HORMAD2: variants seen among roughly 807,000 people sequenced by gnomAD.
HORMAD2 encodes the protein HORMA domain containing 2, also known as HORMA domain-containing protein 2.
A neutral mutation model predicts 38.8 loss-of-function variants in HORMAD2; 45 were observed. The observed-to-expected ratio is 1.16, with a 90% CI of 0.91 to 1.49. The LOEUF is 1.49. HORMAD2 is among the 40% of genes most tolerant of loss of function. The probability of loss-of-function intolerance (pLI) is 0.00; values close to 1 mark genes in which losing one functional copy is unlikely to be tolerated. For missense variants in HORMAD2, 338 were observed against 367.0 expected, an observed-to-expected ratio of 0.92 and a Z score of 0.65; for synonymous variants, 126 against 122.8, an observed-to-expected ratio of 1.03 and a Z score of -0.17.
At chr22:30,138,243 A>AT (rs34611740) in intron 10 of HORMAD2, among the ~76,000 whole-genome samples, 39,514 of 142,504 alleles carry the variant, frequency 0.28, 5,519 homozygotes, top group Middle Eastern at 0.38. Context: ...TCTTTTGCCC[A>AT]TTTTTTTTTT....
chr22:30,139,351 T>C (rs775669746), intron 10 of HORMAD2, among the ~76,000 whole-genome samples: 60 of 147,338 alleles, frequency 4.1e-4, no homozygotes, highest in South Asian at 1.1e-3. Context: ...TCTCTACATA[T>C]ATATATACTT....
At chr22:30,181,319 T>C (rs997687381), downstream of HORMAD2, among the ~76,000 whole-genome samples, 2 of 151,938 alleles carry the variant, frequency 1.3e-5, no homozygotes, top group Non-Finnish European at 2.9e-5. Context: ...GAGTTTGGAT[T>C]TCTATGCTGC....
At chr22:30,188,420 C>T in the HORMAD2 span, among the ~76,000 whole-genome samples, 2 of 151,990 alleles carry the variant, frequency 1.3e-5, no homozygotes, top group African/African-American at 4.8e-5. Flanking sequence ...ATCATTGAAT[C>T]ATCAGAAATA....
At chr22:30,139,344 C>T (rs1423013522) in intron 10 of HORMAD2, among the ~76,000 whole-genome samples, 4 of 145,524 alleles carry the variant, frequency 2.7e-5, no homozygotes, top group Non-Finnish European at 6.0e-5. Context: ...GTCTCTCTCT[C>T]TACATATATA....
chr22:30,093,886 GTC>G, intron 1 of HORMAD2, 28 bp from the exon 2 acceptor site: 1 of 1,109,042 alleles, frequency 9.0e-7, no homozygotes, highest in Non-Finnish European at 1.3e-6. Flanking sequence ...ATTTGGCAAG[GTC>G]TCTAATTAAT....
intron 10 of HORMAD2, among the ~76,000 whole-genome samples, chr22:30,132,162 G>C (rs1262481444): frequency 3.3e-5 from 5 of 152,178 alleles, no homozygotes; most frequent in Admixed American, 6.5e-5. Context: ...ATCTCCTGAA[G>C]CATATATGCC....
the HORMAD2 span, among the ~76,000 whole-genome samples, chr22:30,200,915 A>G: frequency 6.6e-6 from 1 of 151,840 alleles, no homozygotes; most frequent in Non-Finnish European, 1.5e-5. Flanking sequence ...ATGCCCGGCT[A>G]ATTTTTGTAT....
At chr22:30,202,766 C>G in the HORMAD2 span, among the ~76,000 whole-genome samples, 4 of 152,184 alleles carry the variant, frequency 2.6e-5, no homozygotes, top group African/African-American at 9.7e-5. Context: ...GGACATGCAG[C>G]CAGGAAAGCA....
intron 10 of HORMAD2, among the ~76,000 whole-genome samples, chr22:30,160,187 C>G (rs1345418306): frequency 6.6e-6 from 1 of 151,794 alleles, no homozygotes; most frequent in Non-Finnish European, 1.5e-5. Context: ...TGTGCCCTGC[C>G]CTTATCACCA....
rs1309266974 is a variant in HORMAD2, at chr22:30,174,804, C to T, written c.820-1259C>T. ...CATAACAAATTCATCTCCTAGATAA[C>T]AACTTGGTTTTTGTGCTTTGACTTT... On this transcript the variant is annotated intron_variant, in intron 10 of 10. Transcript: ENST00000336726. 2.0e-5 allele frequency among the ~76,000 whole-genome samples: 3 copies of T among 152,246 alleles called. No homozygotes were observed. In the East Asian group the frequency reaches 5.8e-4, roughly 29 times the overall value.
chr22:30,141,595 CTTTT>C (rs35003620), intron 10 of HORMAD2, among the ~76,000 whole-genome samples: 2 of 134,846 alleles, frequency 1.5e-5, no homozygotes. Context: ...AGAGAACATA[CTTTT>C]TTTTTTTTTT....
At chr22:30,098,718 T>C in intron 2 of HORMAD2, 134 bp from the exon 3 acceptor site, 1 of 676,124 alleles carries the variant, frequency 1.5e-6, no homozygotes, top group African/African-American at 1.9e-5. Context: ...CAAAGCGCTA[T>C]TTCTTTTTGA....
the HORMAD2 span, among the ~76,000 whole-genome samples, chr22:30,187,674 T>A: frequency 6.6e-6 from 1 of 152,112 alleles, no homozygotes; most frequent in Non-Finnish European, 1.5e-5. Context: ...GCACTTATGA[T>A]TGGTGGAATG....
intron 1 of HORMAD2, among the ~76,000 whole-genome samples, chr22:30,089,518 A>G (rs1648097284): frequency 6.6e-6 from 1 of 151,852 alleles, no homozygotes; most frequent in South Asian, 2.1e-4. Flanking sequence ...ATGCCTGTCT[A>G]ATTTTTGTAT....
intron 10 of HORMAD2, among the ~76,000 whole-genome samples, chr22:30,123,134 A>G (rs1300659128): frequency 6.6e-6 from 1 of 152,208 alleles, no homozygotes; most frequent in Non-Finnish European, 1.5e-5. Flanking sequence ...GTTTTAATTC[A>G]ATTAATGTAA....
the HORMAD2 span, among the ~76,000 whole-genome samples, chr22:30,182,170 T>C: frequency 1.3e-5 from 2 of 152,192 alleles, no homozygotes; most frequent in Admixed American, 1.3e-4. Context: ...AATTTTAATG[T>C]TTTACTTGCT....
At chr22:30,199,545 C>T in the HORMAD2 span, among the ~76,000 whole-genome samples, 3 of 152,220 alleles carry the variant, frequency 2.0e-5, no homozygotes, top group Non-Finnish European at 2.9e-5. Flanking sequence ...TCACCTCACT[C>T]TGAGCTTGCT....
At chr22:30,192,902 G>A in the HORMAD2 span, among the ~76,000 whole-genome samples, 1 of 152,082 alleles carries the variant, frequency 6.6e-6, no homozygotes, top group South Asian at 2.1e-4. Flanking sequence ...TTGATGTTTG[G>A]CCCATTTCAT....
At chr22:30,197,112 G>A in the HORMAD2 span, among the ~76,000 whole-genome samples, 1 of 152,064 alleles carries the variant, frequency 6.6e-6, no homozygotes, top group Non-Finnish European at 1.5e-5. Context: ...AAGTTTTTGG[G>A]CAGGCTTTTC....
Sources: gnomAD v4.1 joint callset for allele counts (sites outside exome capture counted in the v4.1 genomes callset) on GRCh38, gnomAD v4.1.1 for gene constraint, MANE v1.5 for transcripts, NCBI Gene and HGNC (gene_info 2026-07-23, HGNC 2026-07-21) for gene names.